HTR2C: variants seen among roughly 807,000 people sequenced by gnomAD.
HTR2C encodes 5-hydroxytryptamine (serotonin) receptor 2C, G protein-coupled.
In HTR2C, 5 loss-of-function variants were observed where a neutral mutation model predicts 21.0. The observed-to-expected ratio is 0.24, with a 90% CI of 0.12 to 0.50. The LOEUF is 0.50. HTR2C is among the 20% of genes least tolerant of loss of function. The pLI is 0.98. For synonymous variants in HTR2C, 150 were observed against 145.3 expected, an observed-to-expected ratio of 1.03 and a Z score of -0.23; for missense variants, 271 against 371.2, an observed-to-expected ratio of 0.73 and a Z score of 2.22.
At chrX:114,662,009 A>G (rs1931005371) in intron 2 of HTR2C, among the ~76,000 whole-genome samples, 1 of 112,100 alleles carries the variant, frequency 8.9e-6, no homozygotes, top group South Asian at 3.7e-4. Context: ...TGTATTACAC[A>G]GTCAATATGT....
chrX:114,786,802 C>T (rs1556442228), intron 4 of HTR2C, among the ~76,000 whole-genome samples: 1 of 111,491 alleles, frequency 9.0e-6, no homozygotes, highest in African/African-American at 3.3e-5. Flanking sequence ...CAGCCTACTT[C>T]TCCTTAGGGG....
chrX:114,648,100 G>T (rs1176276979), intron 2 of HTR2C, among the ~76,000 whole-genome samples: 1 of 111,746 alleles, frequency 8.9e-6, no homozygotes. Context: ...GTGCAAAAGT[G>T]GATAGTAGTG....
chrX:114,706,798 A>T (rs1932779319), intron 2 of HTR2C, among the ~76,000 whole-genome samples: 1 of 111,433 alleles, frequency 9.0e-6, no homozygotes, highest in Non-Finnish European at 1.9e-5. Context: ...AGCTGGCTTC[A>T]TTCTCTTTTT....
At chrX:114,779,156 T>C (rs1272862436) in intron 4 of HTR2C, among the ~76,000 whole-genome samples, 1 of 111,349 alleles carries the variant, frequency 9.0e-6, no homozygotes, top group African/African-American at 3.3e-5. Flanking sequence ...GTACAGTAGA[T>C]ATCAGGACAG....
chrX:114,722,648 G>A (rs1475265347), intron 2 of HTR2C, among the ~76,000 whole-genome samples: 4 of 105,113 alleles, frequency 3.8e-5, no homozygotes, highest in African/African-American at 1.4e-4. Context: ...ATTGGCTGTG[G>A]GTTTGTCATA....
intron 5 of HTR2C, among the ~76,000 whole-genome samples, chrX:114,858,640 A>T (rs1218591007): frequency 9.0e-6 from 1 of 111,725 alleles, no homozygotes; most frequent in African/African-American, 3.2e-5. Flanking sequence ...GAATGACGAC[A>T]GATGTATTTC....
chrX:114,600,712 A>C (rs1264293979), intron 1 of HTR2C, among the ~76,000 whole-genome samples: 4 of 111,628 alleles, frequency 3.6e-5, no homozygotes, highest in Non-Finnish European at 7.5e-5. Flanking sequence ...TACTGTCTTT[A>C]TACTTTTGTA....
At chrX:114,893,642 C>T (rs1460808783) in intron 5 of HTR2C, among the ~76,000 whole-genome samples, 1 of 110,642 alleles carries the variant, frequency 9.0e-6, no homozygotes, top group Non-Finnish European at 1.9e-5. Flanking sequence ...TGCCATAGGC[C>T]AATATGCTTT....
At chrX:114,716,444 A>G (rs782549601) in intron 2 of HTR2C, among the ~76,000 whole-genome samples, 2 of 111,693 alleles carry the variant, frequency 1.8e-5, no homozygotes, top group Non-Finnish European at 3.8e-5. Flanking sequence ...GTAAATACAA[A>G]TGAGGAGAAA....
chrX:114,874,781 T>A (rs782514158), intron 5 of HTR2C, among the ~76,000 whole-genome samples: 32 of 111,434 alleles, frequency 2.9e-4, no homozygotes, highest in Non-Finnish European at 5.5e-4. Context: ...AGTGCTGGGA[T>A]TACAGGTGTG....
intron 4 of HTR2C, among the ~76,000 whole-genome samples, chrX:114,802,569 A>G (rs1359095387): frequency 9.0e-6 from 1 of 110,713 alleles, no homozygotes; most frequent in Admixed American, 9.7e-5. Flanking sequence ...ACCCAACCAA[A>G]CACAAGCTGT....
At chrX:114,783,484 A>T (rs782285361) in intron 4 of HTR2C, among the ~76,000 whole-genome samples, 1 of 112,295 alleles carries the variant, frequency 8.9e-6, no homozygotes, top group African/African-American at 3.2e-5. Flanking sequence ...TATATAAAGT[A>T]AAAACTGACA....
At chrX:114,611,477 G>A (rs782151116) in intron 1 of HTR2C, among the ~76,000 whole-genome samples, 27 of 112,083 alleles carry the variant, frequency 2.4e-4, no homozygotes, top group Non-Finnish European at 3.4e-4. Context: ...TACGTATTAC[G>A]TAGAATCATT....
rs113879402 is a variant in HTR2C at position 114,819,750 on chromosome X, G to T, written c.350-28253G>T. Among the ~76,000 whole-genome samples the T allele has an allele frequency of 6.8e-3, 762 of 112,284 alleles. 3 individuals carry two copies. Among genetic ancestry groups the T allele is most frequent in the Admixed American group, 0.01 (108 of 10,598 alleles). ...GCTGTAGTTATAGCTTGTGGAACACGGGCTGAGGATCAGCCTAGTCAGCAG... is the reference window on the plus strand; with the variant it reads ...GCTGTAGTTATAGCTTGTGGAACACTGGCTGAGGATCAGCCTAGTCAGCAG... On this transcript the variant is annotated intron_variant, in intron 4 of 5. Transcript: ENST00000276198.
At chrX:114,682,320 C>A (rs1931773017) in intron 2 of HTR2C, among the ~76,000 whole-genome samples, 1 of 111,107 alleles carries the variant, frequency 9.0e-6, no homozygotes, top group African/African-American at 3.3e-5. Context: ...AATTTGCCAT[C>A]TTCTGACAAC....
intron 2 of HTR2C, among the ~76,000 whole-genome samples, chrX:114,644,181 A>G (rs1253878986): frequency 9.5e-6 from 1 of 104,956 alleles, no homozygotes; most frequent in Non-Finnish European, 1.9e-5. Flanking sequence ...CATTTCTACT[A>G]AAAATACAAA....
At chrX:114,660,618 CAT>C in intron 2 of HTR2C, among the ~76,000 whole-genome samples, 1 of 112,404 alleles carries the variant, frequency 8.9e-6, no homozygotes, top group Middle Eastern at 4.6e-3. Context: ...TAAAATTGCA[CAT>C]GATTTTTAAA....
intron 5 of HTR2C, among the ~76,000 whole-genome samples, chrX:114,851,418 G>C (rs1287830507): frequency 1.8e-5 from 2 of 111,895 alleles, no homozygotes; most frequent in African/African-American, 3.2e-5. Context: ...TTAAGAAATT[G>C]TTTCCCAATA....
chrX:114,585,363 C>A (rs1417483059), intron 1 of HTR2C, among the ~76,000 whole-genome samples: 1 of 111,078 alleles, frequency 9.0e-6, no homozygotes, highest in East Asian at 2.8e-4. Flanking sequence ...TCCAGTGAAC[C>A]TTTTTTTAAA....
Sources: gnomAD v4.1 joint callset for allele counts (sites outside exome capture counted in the v4.1 genomes callset) on GRCh38, gnomAD v4.1.1 for gene constraint, MANE v1.5 for transcripts, NCBI Gene and HGNC (gene_info 2026-07-23, HGNC 2026-07-21) for gene names.